The following FCHSD2 variants were observed in gnomAD, a reference collection of about 807,000 sequenced individuals.
The protein encoded by FCHSD2 is FCH and double SH3 domains 2.
FCHSD2 carries 38 observed loss-of-function variants against 108.1 expected under a neutral mutation model. The observed-to-expected ratio is 0.35, with a 90% CI of 0.27 to 0.46. The LOEUF (loss-of-function observed/expected upper bound fraction) is 0.46. Ranked by LOEUF, FCHSD2 falls within the 20% of genes least tolerant of loss-of-function variation. The pLI is 1.00. For missense variants in FCHSD2, 751 were observed against 897.8 expected, an observed-to-expected ratio of 0.84 and a Z score of 2.09; for synonymous variants, 279 against 314.7, an observed-to-expected ratio of 0.89 and a Z score of 1.20.
At chr11:72,857,701 C>T (rs1298522634) in intron 13 of FCHSD2, among the ~76,000 whole-genome samples, 2 of 151,834 alleles carry the variant, frequency 1.3e-5, no homozygotes, top group African/African-American at 2.4e-5. Flanking sequence ...CCACCTGCCT[C>T]GGCCTTCCAA....
intron 8 of FCHSD2, among the ~76,000 whole-genome samples, chr11:72,963,127 C>CTT (rs1422755639): frequency 6.6e-6 from 1 of 152,134 alleles, no homozygotes; most frequent in Non-Finnish European, 1.5e-5. Context: ...ATACTCAGTA[C>CTT]TTTACGTGTG....
chr11:72,845,381 T>G (rs1198141474), intron 14 of FCHSD2, among the ~76,000 whole-genome samples: 1 of 139,024 alleles, frequency 7.2e-6, no homozygotes, highest in African/African-American at 2.8e-5. Context: ...GAGGTTGCAG[T>G]GAGCCGAGAT....
chr11:73,051,853 C>T lies in FCHSD2; in HGVS notation c.165+31842G>A, dbSNP rs1411439623. On this transcript the variant is annotated intron_variant, in intron 3 of 19. Coordinates refer to ENST00000409418, the MANE Select transcript of FCHSD2 (RefSeq NM_014824.3). ...TTTTATATAATAGACCTTCAGGATG[C>T]TAACACGGTATATAAACACACACAC... Among the ~76,000 whole-genome samples, 3 of 145,770 alleles carry T rather than the reference C, an allele frequency of 2.1e-5. No homozygotes were observed. The East Asian group carries it at 6.1e-4, about 29-fold the overall frequency.
At chr11:72,967,132 A>G (rs1479542911) in intron 8 of FCHSD2, among the ~76,000 whole-genome samples, 1 of 151,520 alleles carries the variant, frequency 6.6e-6, no homozygotes, top group Non-Finnish European at 1.5e-5. Flanking sequence ...CCCGGGAGGC[A>G]GAGCTTGCAG....
chr11:72,973,501 AT>A (rs1857045636), intron 8 of FCHSD2, among the ~76,000 whole-genome samples: 1 of 152,260 alleles, frequency 6.6e-6, no homozygotes, highest in African/African-American at 2.4e-5. Flanking sequence ...AACAAATACA[AT>A]GTTGAGTGAG....
chr11:72,916,968 CTTTTTTTTTTTTTTT>C (rs71062793), intron 9 of FCHSD2, among the ~76,000 whole-genome samples: 6 of 118,800 alleles, frequency 5.1e-5, no homozygotes, highest in African/African-American at 2.0e-4. Context: ...GAACTTCATT[CTTTTTTTTTTTTTTT>C]TTTTTTTTTT....
At chr11:73,048,903 A>G (rs571192189) in intron 3 of FCHSD2, among the ~76,000 whole-genome samples, 24 of 152,254 alleles carry the variant, frequency 1.6e-4, no homozygotes, top group Non-Finnish European at 2.8e-4. Flanking sequence ...CCACACAAAC[A>G]TAGCAAGATG....
intron 8 of FCHSD2, among the ~76,000 whole-genome samples, chr11:72,949,913 C>T (rs1344488650): frequency 6.6e-6 from 1 of 152,168 alleles, no homozygotes; most frequent in Admixed American, 6.5e-5. Flanking sequence ...GTTTTGGGGT[C>T]ATATGACAAT....
intron 3 of FCHSD2, among the ~76,000 whole-genome samples, chr11:73,058,367 A>G (rs1859079818): frequency 6.6e-6 from 1 of 152,152 alleles, no homozygotes; most frequent in Non-Finnish European, 1.5e-5. Flanking sequence ...CAGTTGTAAC[A>G]TACTCAGTGT....
intron 10 of FCHSD2, among the ~76,000 whole-genome samples, chr11:72,892,931 T>C (rs1411611180): frequency 6.6e-6 from 1 of 151,478 alleles, no homozygotes; most frequent in Non-Finnish European, 1.5e-5. Context: ...GACAGTGATA[T>C]TAGCAGTGGT....
intron 9 of FCHSD2, among the ~76,000 whole-genome samples, chr11:72,903,310 G>A (rs560301779): frequency 2.6e-5 from 4 of 152,108 alleles, no homozygotes; most frequent in Non-Finnish European, 4.4e-5. Flanking sequence ...TCCGCCTCCC[G>A]GGTTCATGCC....
intron 12 of FCHSD2, among the ~76,000 whole-genome samples, chr11:72,868,789 T>C (rs1357817674): frequency 1.3e-5 from 2 of 151,982 alleles, no homozygotes; most frequent in Non-Finnish European, 2.9e-5. Flanking sequence ...CATGATCCTA[T>C]CAGTCTTACA....
intron 4 of FCHSD2, among the ~76,000 whole-genome samples, chr11:73,001,872 T>G (rs1356943902): frequency 6.6e-6 from 1 of 152,190 alleles, no homozygotes; most frequent in African/African-American, 2.4e-5. Flanking sequence ...GTCAAAGAAT[T>G]ATTAATCCTT....
chr11:73,078,933 G>A (rs1386906599), intron 3 of FCHSD2, among the ~76,000 whole-genome samples: 3 of 151,818 alleles, frequency 2.0e-5, no homozygotes, highest in Non-Finnish European at 4.4e-5. Context: ...TTGTCAGGCC[G>A]GTCTGAAACT....
intron 2 of FCHSD2, among the ~76,000 whole-genome samples, chr11:73,139,707 A>G (rs1030437845): frequency 2.6e-5 from 4 of 152,200 alleles, no homozygotes; most frequent in African/African-American, 9.7e-5. Context: ...ACTGTGTAAA[A>G]CCGTTAAGGT....
chr11:73,070,739 A>T (rs542321534), intron 3 of FCHSD2, among the ~76,000 whole-genome samples: 9 of 143,734 alleles, frequency 6.3e-5, no homozygotes, highest in Non-Finnish European at 7.7e-5. Flanking sequence ...ATGTCAAATT[A>T]AAAAAAAAAA....
intron 4 of FCHSD2, among the ~76,000 whole-genome samples, chr11:73,003,140 T>C (rs1177630580): frequency 6.6e-6 from 1 of 152,188 alleles, no homozygotes; most frequent in Non-Finnish European, 1.5e-5. Context: ...AACACTGATA[T>C]ACCATGAAAA....
At position 72,941,028 on chromosome 11, in the gene FCHSD2, C is replaced by T. The variant is rs1856406484; in HGVS notation, c.706-19078G>A. The T allele has an allele frequency of 4.2e-6, 3 of 722,280 alleles. No homozygotes were observed. The South Asian group carries it at 4.2e-5, about 10-fold the overall frequency. The allele number at this position is 722,280 out of a possible 1,614,324, so 44.7% of individuals were successfully genotyped here. ...GAAAGAGCCATGGGCTTGGAAAGGA[C>T]CGTATGTTCCACCATGCTATTGGTG... On this transcript the variant is annotated intron_variant, in intron 8 of 19. Transcript: ENST00000409418.
At chr11:72,940,414 A>C in intron 8 of FCHSD2, 1 of 541,448 alleles carries the variant, frequency 1.8e-6, no homozygotes, top group Non-Finnish European at 3.3e-6. Context: ...TAATATATGT[A>C]ATGAGGTTAG....
Sources: allele counts gnomAD v4.1 joint callset (sites outside exome capture counted in the v4.1 genomes callset), GRCh38; gene constraint gnomAD v4.1.1; transcripts MANE v1.5; gene names NCBI Gene and HGNC (gene_info 2026-07-23, HGNC 2026-07-21).